The following LMBR1 variants were observed in gnomAD, a reference collection of about 807,000 sequenced individuals.
LMBR1 encodes limb development membrane protein 1, also known as limb region 1 protein homolog.
Under a neutral mutation model 73.9 loss-of-function variants are expected in LMBR1, and 52 were observed. The observed-to-expected ratio is 0.70, with a 90% CI of 0.56 to 0.89. The LOEUF is 0.89. Ranked by LOEUF, LMBR1 falls within the 40% of genes least tolerant of loss-of-function variation. LMBR1 has a pLI of 0.00. For synonymous variants in LMBR1, 215 were observed against 209.4 expected (o/e 1.03, Z -0.23); for missense variants, 539 against 579.8 (o/e 0.93, Z 0.72).
At chr7:156,877,552 C>A (rs1417792325) in intron 1 of LMBR1, among the ~76,000 whole-genome samples, 2 of 152,152 alleles carry the variant, frequency 1.3e-5, no homozygotes, top group Non-Finnish European at 2.9e-5. Context: ...ACACCATGAT[C>A]AAGTGGGTTT....
intron 15 of LMBR1, among the ~76,000 whole-genome samples, chr7:156,714,726 C>A (rs376051915): frequency 6.6e-6 from 1 of 151,902 alleles, no homozygotes; most frequent in Non-Finnish European, 1.5e-5. Context: ...AAAGGAGGTG[C>A]CCCAGGTTAG....
chr7:156,688,386 A>C (rs917649512), intron 15 of LMBR1, among the ~76,000 whole-genome samples, 195 bp from the exon 16 acceptor site: 2 of 152,070 alleles, frequency 1.3e-5, no homozygotes, highest in Non-Finnish European at 2.9e-5. Context: ...GACCTAACCT[A>C]CTTCACATAC....
intron 2 of LMBR1, among the ~76,000 whole-genome samples, chr7:156,835,270 T>G (rs545820916): frequency 6.6e-6 from 1 of 152,228 alleles, no homozygotes; most frequent in South Asian, 2.1e-4. Flanking sequence ...AAGGGTGTAT[T>G]TGGGCCATTC....
rs149718672 is a variant in LMBR1, at chr7:156,684,947, C to A, written c.1388-784G>T. On this transcript the variant is annotated intron_variant, in intron 16 of 16. Coordinates refer to ENST00000353442, the MANE Select transcript of LMBR1 (RefSeq NM_022458.4). ...ACTCCAGCCTGGGTGACAGAGGAGA[C>A]CCTGTCTCAAAAAAATTTTAAATAA... 4.0e-3 allele frequency among the ~76,000 whole-genome samples: 614 copies of A among 152,096 alleles called. 3 individuals carry two copies. The highest frequency in any genetic ancestry group is 0.014 in the African/African-American group (583 of 41,482).
chr7:156,727,890 C>A, intron 12 of LMBR1, 40 bp downstream of exon 12: 1 of 1,450,236 alleles, frequency 6.9e-7, no homozygotes, highest in Non-Finnish European at 9.7e-7. Flanking sequence ...ACATAGAATA[C>A]TTTTGCAAAA....
intron 4 of LMBR1, among the ~76,000 whole-genome samples, chr7:156,809,779 G>A (rs1197190353): frequency 1.3e-5 from 2 of 152,082 alleles, no homozygotes; most frequent in Non-Finnish European, 2.9e-5. Context: ...TGAACTTAAC[G>A]TGTCTCTTTT....
chr7:156,755,024 T>A (rs1377850211), intron 9 of LMBR1, among the ~76,000 whole-genome samples: 1 of 152,224 alleles, frequency 6.6e-6, no homozygotes, highest in African/African-American at 2.4e-5. Context: ...ACCAAACGGA[T>A]GATAAACAGT....
chr7:156,856,682 G>A (rs1263455655), intron 1 of LMBR1, among the ~76,000 whole-genome samples: 2 of 151,752 alleles, frequency 1.3e-5, no homozygotes, highest in African/African-American at 4.8e-5. Context: ...CTCCAGCCTA[G>A]GCGACAGAGT....
chr7:156,793,724 C>T (rs565028105), intron 5 of LMBR1, among the ~76,000 whole-genome samples: 1 of 152,236 alleles, frequency 6.6e-6, no homozygotes, highest in East Asian at 1.9e-4. Context: ...TAGTCAAATG[C>T]ATTTAAAGAC....
intron 4 of LMBR1, among the ~76,000 whole-genome samples, chr7:156,817,991 A>C (rs1484634657): frequency 6.6e-6 from 1 of 152,184 alleles, no homozygotes; most frequent in Non-Finnish European, 1.5e-5. Context: ...TTGTAATGTT[A>C]TAAACAATAC....
At chr7:156,812,524 G>A (rs1833263974) in intron 4 of LMBR1, among the ~76,000 whole-genome samples, 1 of 152,152 alleles carries the variant, frequency 6.6e-6, no homozygotes, top group African/African-American at 2.4e-5. Flanking sequence ...TGAGAGGTAG[G>A]AAGGAAATGA....
intron 1 of LMBR1, among the ~76,000 whole-genome samples, chr7:156,868,588 T>C (rs923686000): frequency 3.3e-5 from 5 of 151,588 alleles, no homozygotes; most frequent in African/African-American, 1.2e-4. Context: ...GCTTGAACCT[T>C]GGAGGCGGAG....
chr7:156,716,660 T>G (rs1813277770), intron 15 of LMBR1, among the ~76,000 whole-genome samples: 1 of 152,230 alleles, frequency 6.6e-6, no homozygotes, highest in Admixed American at 6.5e-5. Flanking sequence ...TTTGGTTTGA[T>G]GTCTTCTTTC....
At chr7:156,789,125 A>G (rs1828729880) in intron 5 of LMBR1, among the ~76,000 whole-genome samples, 2 of 152,196 alleles carry the variant, frequency 1.3e-5, no homozygotes, top group South Asian at 4.1e-4. Flanking sequence ...GAATAGAATA[A>G]ATGTTTTCCA....
chr7:156,824,559 T>TA (rs1166123419), intron 4 of LMBR1, among the ~76,000 whole-genome samples: 3 of 152,030 alleles, frequency 2.0e-5, no homozygotes, highest in African/African-American at 4.8e-5. Context: ...GTGTCACACA[T>TA]AAAAAGTGAC....
intron 9 of LMBR1, among the ~76,000 whole-genome samples, chr7:156,735,973 G>A (rs549654154): frequency 3.0e-4 from 46 of 152,306 alleles, no homozygotes; most frequent in Admixed American, 1.1e-3. Flanking sequence ...TTCCAGTAAA[G>A]AAAGTAGAGC....
At chr7:156,808,037 T>A (rs893443972) in intron 4 of LMBR1, among the ~76,000 whole-genome samples, 1 of 152,154 alleles carries the variant, frequency 6.6e-6, no homozygotes, top group East Asian at 1.9e-4. Context: ...TGGCAAAGAA[T>A]GTGATCTCTC....
At chr7:156,852,647 T>C (rs1796390667) in intron 1 of LMBR1, among the ~76,000 whole-genome samples, 1 of 152,192 alleles carries the variant, frequency 6.6e-6, no homozygotes, top group Non-Finnish European at 1.5e-5. Context: ...CCTATGATTC[T>C]CAACTGAGGG....
chr7:156,796,492 C>T lies in LMBR1; in HGVS notation c.320G>A (p.Gly107Asp). The T allele has an allele frequency of 6.3e-7, 1 of 1,590,216 alleles. No individual in the cohort carries two copies. Residue 107 changes from glycine to aspartate, a missense_variant and splice_region_variant, in exon 5 of 17, where the codon GGT becomes GAT. By Grantham distance (94) the Gly-to-Asp change is moderately conservative. Transcript: ENST00000353442. ...AAAAAGGGAAGCAAGATTCCACAAA[C>T]CTATAAAAAGGGTAACAAGAAAAGA... ...IQWLNGSLIH[G>D]LWNLASLFSN...
Sources: gnomAD v4.1 joint callset for allele counts (sites outside exome capture counted in the v4.1 genomes callset) on GRCh38, gnomAD v4.1.1 for gene constraint, MANE v1.5 for transcripts, NCBI Gene and HGNC (gene_info 2026-07-23, HGNC 2026-07-21) for gene names.